The following NPSR1 variants were observed in gnomAD, a reference collection of about 807,000 sequenced individuals.
The protein encoded by NPSR1 is neuropeptide S receptor 1.
In NPSR1, 48 loss-of-function variants were observed where a neutral mutation model predicts 46.9. That is an observed-to-expected ratio of 1.02 (90% CI 0.81 to 1.30). The LOEUF is 1.30. Among genes scored for constraint, NPSR1 ranks in the 50% most tolerant of loss-of-function variants. The pLI, the probability that NPSR1 is intolerant of heterozygous loss-of-function variation, is 0.00. For synonymous variants in NPSR1, 176 were observed against 168.1 expected (o/e 1.05, Z -0.36); for missense variants, 450 against 449.5 (o/e 1.00, Z -0.01).
chr7:34,769,075 G>C (rs1482579130), intron 2 of NPSR1, among the ~76,000 whole-genome samples: 1 of 152,064 alleles, frequency 6.6e-6, no homozygotes, highest in Non-Finnish European at 1.5e-5. Flanking sequence ...GATGTGTTTG[G>C]ATTGAAATCT....
At chr7:34,779,750 T>G (rs1013511271) in intron 3 of NPSR1, 11 of 325,346 alleles carry the variant, frequency 3.4e-5, no homozygotes, top group Admixed American at 1.1e-4. Context: ...ATAAATGCTT[T>G]CAATTGCTTA....
rs113304543 is a variant in NPSR1 at position 34,743,440 on chromosome 7, GTCT to G, written c.281-35017_281-35015del. 6.3e-4 allele frequency among the ~76,000 whole-genome samples: 93 copies of G among 148,368 alleles called. 1 individual carries two copies. Among genetic ancestry groups the G allele is most frequent in the African/African-American group, 2.2e-3 (90 of 40,722 alleles). On this transcript the variant is annotated intron_variant, in intron 2 of 8. Transcript: ENST00000360581. ...CATGACTTGTTTTCTCTCTCTCTCT[GTCT>G]TCTTTTTTTTTTTTGTAGATGGAGT... is the stretch of plus-strand genomic sequence containing the variant.
chr7:34,819,451 C>T (rs920311436), intron 4 of NPSR1, among the ~76,000 whole-genome samples: 3 of 152,204 alleles, frequency 2.0e-5, no homozygotes, highest in African/African-American at 7.2e-5. Context: ...AATAGGAACA[C>T]TTTTACACTG....
At chr7:34,803,615 C>G (rs889744797) in intron 3 of NPSR1, among the ~76,000 whole-genome samples, 4 of 151,808 alleles carry the variant, frequency 2.6e-5, no homozygotes, top group Admixed American at 2.6e-4. Flanking sequence ...ATACCTAATG[C>G]TAAATGACAA....
downstream of NPSR1, among the ~76,000 whole-genome samples, chr7:34,854,214 A>G (rs751321076): frequency 4.6e-5 from 7 of 152,176 alleles, no homozygotes; most frequent in Non-Finnish European, 7.3e-5. Context: ...AAGTCACTCA[A>G]ACAATTTGAA....
intron 1 of NPSR1, among the ~76,000 whole-genome samples, chr7:34,662,601 C>G (rs537570264): frequency 4.6e-5 from 7 of 152,262 alleles, no homozygotes; most frequent in African/African-American, 1.7e-4. Flanking sequence ...TAGTCTCGCT[C>G]AGTATGTTCA....
chr7:34,821,606 A>C (rs1789563491), intron 4 of NPSR1, among the ~76,000 whole-genome samples: 1 of 152,152 alleles, frequency 6.6e-6, no homozygotes, highest in Non-Finnish European at 1.5e-5. Context: ...AGAGGTACAG[A>C]CTTGAGACCC....
chr7:34,811,704 T>C (rs936716629), intron 3 of NPSR1, 66 bp from the exon 4 acceptor site: 4 of 1,108,594 alleles, frequency 3.6e-6, no homozygotes, highest in African/African-American at 1.6e-5. Context: ...AAGGTGCTAT[T>C]CTTTCCATTA....
chr7:34,834,254 AG>A (rs1471259019), intron 5 of NPSR1, 129 bp from the exon 6 acceptor site: 3 of 703,292 alleles, frequency 4.3e-6, no homozygotes, highest in Non-Finnish European at 5.2e-6. Flanking sequence ...AGCAAGTATA[AG>A]GGGGCAGGCA....
At chr7:34,701,101 G>C (rs1793806335) in intron 2 of NPSR1, among the ~76,000 whole-genome samples, 1 of 152,144 alleles carries the variant, frequency 6.6e-6, no homozygotes, top group African/African-American at 2.4e-5. Flanking sequence ...AGAATGACCA[G>C]ACTTTGTCAT....
intron 8 of NPSR1, chr7:34,849,258 C>A (rs183330683): frequency 1.9e-6 from 2 of 1,035,098 alleles, no homozygotes; most frequent in African/African-American, 1.6e-5. Context: ...TTATTCGTAG[C>A]GATGTGTGAC....
At chr7:34,728,678 G>T (rs1784278271) in intron 2 of NPSR1, 1 of 152,602 alleles carries the variant, frequency 6.6e-6, no homozygotes. Flanking sequence ...TTGGTATTAT[G>T]AAAGACCCTT....
chr7:34,808,307 T>C (rs908733793), intron 3 of NPSR1, among the ~76,000 whole-genome samples: 2 of 152,216 alleles, frequency 1.3e-5, no homozygotes, highest in Admixed American at 6.5e-5. Context: ...ATAAAGTTTG[T>C]AGTAGTTTGT....
chr7:34,856,009 C>T (rs1322345118), intron 8 of NPSR1, among the ~76,000 whole-genome samples: 1 of 151,986 alleles, frequency 6.6e-6, no homozygotes. Flanking sequence ...ATTTCTTAAA[C>T]CTTAAAGTTT....
At chr7:34,748,564 G>T (rs324398) in intron 2 of NPSR1, among the ~76,000 whole-genome samples, 2 of 152,026 alleles carry the variant, frequency 1.3e-5, no homozygotes, top group African/African-American at 2.4e-5. Context: ...CCATACAACC[G>T]GGAATTCCTA....
intron 2 of NPSR1, among the ~76,000 whole-genome samples, chr7:34,698,382 C>A (rs989540376): frequency 6.6e-6 from 1 of 152,090 alleles, no homozygotes; most frequent in African/African-American, 2.4e-5. Flanking sequence ...GTTGCAATCT[C>A]AAATGGCTTT....
chr7:34,772,382 C>T (rs972552261), intron 2 of NPSR1, among the ~76,000 whole-genome samples: 3 of 152,164 alleles, frequency 2.0e-5, no homozygotes, highest in African/African-American at 7.2e-5. Context: ...GTTTGATTTT[C>T]TAAGAGCCTG....
intron 2 of NPSR1, among the ~76,000 whole-genome samples, chr7:34,774,960 T>G (rs1296371767): frequency 6.6e-6 from 1 of 152,170 alleles, no homozygotes; most frequent in Non-Finnish European, 1.5e-5. Flanking sequence ...CAATTTAACT[T>G]TTACTTGAAA....
At chr7:34,749,223 A>G (rs1309811767) in intron 2 of NPSR1, among the ~76,000 whole-genome samples, 1 of 152,174 alleles carries the variant, frequency 6.6e-6, no homozygotes, top group Non-Finnish European at 1.5e-5. Flanking sequence ...CTCAGTCTTA[A>G]TGCCTGGGAA....
Sources: gnomAD v4.1 joint callset for allele counts (sites outside exome capture counted in the v4.1 genomes callset) on GRCh38, gnomAD v4.1.1 for gene constraint, MANE v1.5 for transcripts, NCBI Gene and HGNC (gene_info 2026-07-23, HGNC 2026-07-21) for gene names.